The following CENPW variants were observed in gnomAD, a reference collection of about 807,000 sequenced individuals.
CENPW encodes the protein centromere protein W.
A neutral mutation model predicts 11.1 loss-of-function variants in CENPW; 3 were observed. The ratio of observed to expected loss-of-function variants is 0.27; its 90% CI spans 0.12 to 0.70. The LOEUF (loss-of-function observed/expected upper bound fraction) is 0.70. Ranked by LOEUF, CENPW falls within the 30% of genes least tolerant of loss-of-function variation. The probability of loss-of-function intolerance (pLI) is 0.77; values close to 1 mark genes in which losing one functional copy is unlikely to be tolerated. For missense variants in CENPW, 100 were observed against 105.6 expected (o/e 0.95, Z 0.23); for synonymous variants, 38 against 42.0 (o/e 0.91, Z 0.37).
chr6:126,390,118 A>G, the CENPW span, among the ~76,000 whole-genome samples: 2 of 151,874 alleles, frequency 1.3e-5, no homozygotes, highest in Admixed American at 1.3e-4. Flanking sequence ...TTCACAGTCT[A>G]TACTCAACCA....
the CENPW span, among the ~76,000 whole-genome samples, chr6:126,431,760 T>C: frequency 6.6e-6 from 1 of 151,924 alleles, no homozygotes; most frequent in Non-Finnish European, 1.5e-5. Flanking sequence ...GTTATGGAGA[T>C]GGGTTACTAG....
chr6:126,470,530 T>C, the CENPW span, among the ~76,000 whole-genome samples: 2 of 152,312 alleles, frequency 1.3e-5, no homozygotes, highest in South Asian at 4.1e-4. Context: ...AGAGTCCCCA[T>C]ACAGAGTTGC....
At chr6:126,343,141 A>G (rs1402566362) in intron 1 of CENPW, among the ~76,000 whole-genome samples, 1 of 152,114 alleles carries the variant, frequency 6.6e-6, no homozygotes, top group African/African-American at 2.4e-5. Flanking sequence ...TTCTTTATAA[A>G]TTTTCTTTTG....
At chr6:126,397,850 G>A in the CENPW span, among the ~76,000 whole-genome samples, 3 of 152,072 alleles carry the variant, frequency 2.0e-5, no homozygotes, top group African/African-American at 7.2e-5. Flanking sequence ...CATGCTTTCT[G>A]TTGACTCAGA....
At chr6:126,401,446 C>G in the CENPW span, among the ~76,000 whole-genome samples, 2 of 151,894 alleles carry the variant, frequency 1.3e-5, no homozygotes, top group South Asian at 2.1e-4. Context: ...TCCTGTTTTT[C>G]TGTTTTAGCC....
chr6:126,366,312 CTGTT>C, the CENPW span, among the ~76,000 whole-genome samples: 2 of 151,934 alleles, frequency 1.3e-5, no homozygotes, highest in East Asian at 3.9e-4. Context: ...TTTTGCTAAA[CTGTT>C]TAGTGAAATA....
At chr6:126,366,936 C>G in the CENPW span, among the ~76,000 whole-genome samples, 1 of 152,102 alleles carries the variant, frequency 6.6e-6, no homozygotes, top group South Asian at 2.1e-4. Flanking sequence ...CAGCCTAAAG[C>G]CCTTTGATAA....
chr6:126,409,797 C>T, the CENPW span, among the ~76,000 whole-genome samples: 1 of 151,860 alleles, frequency 6.6e-6, no homozygotes, highest in Non-Finnish European at 1.5e-5. Context: ...AATCTATACA[C>T]ATCTTTACCA....
chr6:126,391,452 C>T, the CENPW span, among the ~76,000 whole-genome samples: 1,732 of 151,948 alleles, frequency 0.011, 33 homozygotes, highest in African/African-American at 0.038. Flanking sequence ...GTTTCCTTTG[C>T]TGTGCAGAAG....
the CENPW span, among the ~76,000 whole-genome samples, chr6:126,367,343 T>C: frequency 6.6e-6 from 1 of 152,102 alleles, no homozygotes; most frequent in Admixed American, 6.5e-5. Context: ...TAAAAATTAG[T>C]GATCATATAT....
chr6:126,411,029 A>G, the CENPW span, among the ~76,000 whole-genome samples: 1 of 151,698 alleles, frequency 6.6e-6, no homozygotes, highest in Non-Finnish European at 1.5e-5. Context: ...ATGTTCCTTT[A>G]GTGGTGTCAT....
intron 2 of CENPW, among the ~76,000 whole-genome samples, chr6:126,347,744 C>A (rs759843409): frequency 1.3e-5 from 2 of 151,848 alleles, no homozygotes; most frequent in African/African-American, 2.4e-5. Flanking sequence ...GAAGAATATA[C>A]ACGTGTTTTT....
chr6:126,435,860 T>C, the CENPW span, among the ~76,000 whole-genome samples: 3 of 151,896 alleles, frequency 2.0e-5, no homozygotes, highest in Middle Eastern at 3.4e-3. Flanking sequence ...TCACTGTTTG[T>C]TTTTTGAAAA....
At chr6:126,388,780 T>A in the CENPW span, among the ~76,000 whole-genome samples, 1 of 151,956 alleles carries the variant, frequency 6.6e-6, no homozygotes, top group Admixed American at 6.6e-5. Flanking sequence ...ATGCTAATAA[T>A]TATTTTATTG....
chr6:126,472,158 G>A, the CENPW span, among the ~76,000 whole-genome samples: 5 of 152,028 alleles, frequency 3.3e-5, no homozygotes, highest in Non-Finnish European at 5.9e-5. Flanking sequence ...TCTTTAGTAT[G>A]TTACAATTGG....
At chr6:126,425,240 A>G in the CENPW span, among the ~76,000 whole-genome samples, 2 of 152,158 alleles carry the variant, frequency 1.3e-5, no homozygotes, top group East Asian at 3.9e-4. Flanking sequence ...TGTACCCTCC[A>G]AATCTATAAA....
At chr6:126,361,799 C>T in the CENPW span, among the ~76,000 whole-genome samples, 1 of 152,130 alleles carries the variant, frequency 6.6e-6, no homozygotes, top group East Asian at 1.9e-4. Flanking sequence ...TGAACTGGTA[C>T]TGTGGAAAGA....
At chr6:126,350,000 C>G (rs1244917564), downstream of CENPW, among the ~76,000 whole-genome samples, 1 of 151,874 alleles carries the variant, frequency 6.6e-6, no homozygotes, top group Non-Finnish European at 1.5e-5. Flanking sequence ...CACCTGGGAT[C>G]ACAGGTGCAA....
the CENPW span, among the ~76,000 whole-genome samples, chr6:126,398,573 A>G: frequency 6.6e-6 from 1 of 152,046 alleles, no homozygotes; most frequent in Non-Finnish European, 1.5e-5. Flanking sequence ...ATCTAATACA[A>G]TGTAAATTCT....
Sources: allele counts gnomAD v4.1 joint callset (sites outside exome capture counted in the v4.1 genomes callset), GRCh38; gene constraint gnomAD v4.1.1; transcripts MANE v1.5; gene names NCBI Gene and HGNC (gene_info 2026-07-23, HGNC 2026-07-21).